The following AKAIN1 variants were observed in gnomAD, a reference collection of about 807,000 sequenced individuals.
AKAIN1 encodes A-kinase anchor protein inhibitor 1.
A neutral mutation model predicts 3.7 loss-of-function variants in AKAIN1; 3 were observed. The ratio of observed to expected loss-of-function variants is 0.82; its 90% CI spans 0.37 to 2.12. AKAIN1 has a LOEUF of 2.12. Among genes scored for constraint, AKAIN1 ranks in the 30% most tolerant of loss-of-function variants. The pLI is 0.06. For synonymous variants in AKAIN1, 31 were observed against 30.8 expected (o/e 1.01, Z -0.02); for missense variants, 82 against 82.7 (o/e 0.99, Z 0.03).
chr18:5,180,878 A>T (rs910774938), intron 1 of AKAIN1, among the ~76,000 whole-genome samples: 1 of 152,156 alleles, frequency 6.6e-6, no homozygotes, highest in Non-Finnish European at 1.5e-5. Flanking sequence ...GATTCCATAG[A>T]GCCCTCCTGT....
intron 1 of AKAIN1, among the ~76,000 whole-genome samples, chr18:5,182,351 CAAT>C (rs201310101): frequency 0.015 from 2,349 of 152,154 alleles, 46 homozygotes; most frequent in African/African-American, 0.053. Context: ...TTTAAAACAA[CAAT>C]AACATCAGTA....
Position 5,181,465 on chromosome 18 carries a change from T to C in AKAIN1, c.16+15573A>G, listed in dbSNP as rs531010865. Among the ~76,000 whole-genome samples, 32 of 152,266 alleles carry C rather than the reference T, an allele frequency of 2.1e-4. 1 individual carries two copies. The highest frequency in any genetic ancestry group is 3.4e-3 in the Middle Eastern group (1 of 294). The stretch of plus-strand genomic sequence containing the variant: ...TTTGGCATTTACTTATATAAAGTCG[T>C]TCCTTGCTGAAAAGTACATGTGATA... On this transcript the variant is annotated intron_variant, in intron 1 of 1. Coordinates refer to ENST00000434239, the MANE Select transcript of AKAIN1 (RefSeq NM_001145194.2).
intron 1 of AKAIN1, 86 bp from the exon 2 acceptor site, chr18:5,145,841 G>A (rs74408409): frequency 0.071 from 83,629 of 1,169,884 alleles, 3,664 homozygotes; most frequent in Non-Finnish European, 0.086. Context: ...AAAGATGGGA[G>A]GGAAGAGTGA....
chr18:5,164,240 G>A (rs1706107247), intron 1 of AKAIN1, among the ~76,000 whole-genome samples: 1 of 152,020 alleles, frequency 6.6e-6, no homozygotes, highest in African/African-American at 2.4e-5. Flanking sequence ...TACAAAGATG[G>A]AAAGGATGAC....
In AKAIN1 at chr18:5,191,576, T is replaced by C. The variant is rs73371907; in HGVS notation, c.16+5462A>G. 2.5e-3 allele frequency among the ~76,000 whole-genome samples: 381 copies of C among 152,188 alleles called. 4 individuals carry two copies. The highest frequency in any genetic ancestry group is 8.7e-3 in the African/African-American group (362 of 41,544). The stretch of plus-strand genomic sequence containing the variant: ...AGTTCATTCTCCACACACTGATCCA[T>C]AGATTTCAGGAAATTCCATCTAAAT... On this transcript the variant is annotated intron_variant, in intron 1 of 1. Transcript: ENST00000434239.
chr18:5,175,452 G>C (rs1168175657), intron 1 of AKAIN1, among the ~76,000 whole-genome samples: 1 of 152,128 alleles, frequency 6.6e-6, no homozygotes, highest in Non-Finnish European at 1.5e-5. Flanking sequence ...GTTCTTTCTT[G>C]CTCTTGTTAC....
intron 1 of AKAIN1, among the ~76,000 whole-genome samples, chr18:5,186,471 G>T (rs2071288016): frequency 6.6e-6 from 1 of 151,954 alleles, no homozygotes; most frequent in Admixed American, 6.6e-5. Flanking sequence ...CAATAAAATG[G>T]CCAATTCACC....
intron 1 of AKAIN1, among the ~76,000 whole-genome samples, chr18:5,157,439 C>T (rs746973877): frequency 4.6e-5 from 7 of 152,192 alleles, no homozygotes; most frequent in Non-Finnish European, 1.0e-4. Context: ...CTGTCATGCA[C>T]CTGCACACAA....
chr18:5,190,339 T>C (rs1040635730), intron 1 of AKAIN1, among the ~76,000 whole-genome samples: 1 of 152,122 alleles, frequency 6.6e-6, no homozygotes. Context: ...GAAAAGAGAA[T>C]ATTACAAACA....
chr18:5,146,218 G>T (rs376919), intron 1 of AKAIN1, among the ~76,000 whole-genome samples: 1 of 151,932 alleles, frequency 6.6e-6, no homozygotes, highest in African/African-American at 2.4e-5. Flanking sequence ...AGAACAGACC[G>T]TTGCCCTTTC....
chr18:5,192,423 TTCTTTCTTTCTTTCTTTC>T (rs1288584718), intron 1 of AKAIN1, among the ~76,000 whole-genome samples: 2,104 of 123,610 alleles, frequency 0.017, 31 homozygotes, highest in East Asian at 0.054. Flanking sequence ...CTTTCTTTCT[TTCTTTCTTTCTTTCTTTC>T]TTTCTTTTTC....
intron 1 of AKAIN1, among the ~76,000 whole-genome samples, chr18:5,190,304 C>T (rs946783066): frequency 2.6e-5 from 4 of 152,082 alleles, no homozygotes; most frequent in South Asian, 4.1e-4. Context: ...GGGGCTATTA[C>T]TATAGAACCC....
chr18:5,171,664 GT>G (rs1483961225), intron 1 of AKAIN1, among the ~76,000 whole-genome samples: 1 of 152,104 alleles, frequency 6.6e-6, no homozygotes, highest in African/African-American at 2.4e-5. Context: ...AGCTAAAATG[GT>G]TTATATCCAA....
At chr18:5,183,368 T>C (rs941339717) in intron 1 of AKAIN1, among the ~76,000 whole-genome samples, 6 of 152,068 alleles carry the variant, frequency 3.9e-5, no homozygotes, top group African/African-American at 1.2e-4. Context: ...TGAATGATAC[T>C]GTGAGTGATT....
At chr18:5,149,552 C>T (rs1448116521) in intron 1 of AKAIN1, among the ~76,000 whole-genome samples, 1 of 152,218 alleles carries the variant, frequency 6.6e-6, no homozygotes, top group Non-Finnish European at 1.5e-5. Context: ...CTCGTCTCTC[C>T]ATCTGCTGCT....
intron 1 of AKAIN1, among the ~76,000 whole-genome samples, chr18:5,151,090 G>A (rs933233159): frequency 2.0e-5 from 3 of 152,048 alleles, no homozygotes; most frequent in Non-Finnish European, 4.4e-5. Context: ...GCAAATTACA[G>A]AAGTCCCTCC....
At chr18:5,161,488 C>T (rs919077970) in intron 1 of AKAIN1, among the ~76,000 whole-genome samples, 23 of 151,984 alleles carry the variant, frequency 1.5e-4, no homozygotes, top group African/African-American at 5.3e-4. Context: ...TGCTGTCTTC[C>T]TTTCAATTTC....
At chr18:5,172,631 G>T (rs2071204304) in intron 1 of AKAIN1, among the ~76,000 whole-genome samples, 2 of 151,396 alleles carry the variant, frequency 1.3e-5, no homozygotes, top group South Asian at 4.2e-4. Flanking sequence ...CTAAATGATT[G>T]CTGACAACAT....
In AKAIN1 at chr18:5,148,828, G is replaced by C. The variant is rs150585203; in HGVS notation, c.17-3073C>G. On this transcript the variant is annotated intron_variant, in intron 1 of 1. Transcript: ENST00000434239. ...GCTGAGATCATGCCACTGCATTCCA[G>C]CCTGGTTGACAGAGTGAGACTCTGT... Among the ~76,000 whole-genome samples the C allele has an allele frequency of 5.8e-3, 881 of 152,136 alleles. 23 individuals carry two copies. In the East Asian group the frequency reaches 0.088, roughly 15 times the overall value.
Sources: allele counts gnomAD v4.1 joint callset (sites outside exome capture counted in the v4.1 genomes callset), GRCh38; gene constraint gnomAD v4.1.1; transcripts MANE v1.5; gene names NCBI Gene and HGNC (gene_info 2026-07-23, HGNC 2026-07-21).